Variants in TMPRSS15 observed in about 807,000 individuals in gnomAD.
TMPRSS15 encodes the protein transmembrane serine protease 15, also known as enteropeptidase.
In TMPRSS15, 128 loss-of-function variants were observed where a neutral mutation model predicts 125.3. The observed-to-expected ratio is 1.02, with a 90% CI of 0.89 to 1.18. The LOEUF is 1.18. TMPRSS15 is among the 50% of genes most tolerant of loss of function. The pLI is 0.00. For missense variants in TMPRSS15, 1,283 were observed against 1,212.7 expected (o/e 1.06, Z -0.86); for synonymous variants, 446 against 423.2 (o/e 1.05, Z -0.66).
At chr21:18,394,860 A>G (rs1013807719) in intron 3 of TMPRSS15, among the ~76,000 whole-genome samples, 6 of 152,074 alleles carry the variant, frequency 3.9e-5, no homozygotes, top group African/African-American at 1.2e-4. Context: ...AACTCATTCC[A>G]CTCTGACTTT....
chr21:18,427,030 T>A (rs187686992), intron 1 of TMPRSS15, among the ~76,000 whole-genome samples: 1 of 152,316 alleles, frequency 6.6e-6, no homozygotes, highest in East Asian at 1.9e-4. Context: ...TTAAAAAACA[T>A]GTTATTGATG....
intron 1 of TMPRSS15, among the ~76,000 whole-genome samples, chr21:18,473,677 T>C (rs1978822332): frequency 6.6e-6 from 1 of 152,144 alleles, no homozygotes; most frequent in Non-Finnish European, 1.5e-5. Flanking sequence ...GAAGTATTTT[T>C]TTCTAAAAGA....
chr21:18,378,287 A>G (rs1232629150), intron 5 of TMPRSS15, among the ~76,000 whole-genome samples: 2 of 152,080 alleles, frequency 1.3e-5, no homozygotes, highest in Non-Finnish European at 2.9e-5. Flanking sequence ...TCCATGTTAG[A>G]GACAGGAATG....
Position 18,440,242 on chromosome 21 carries a change from G to A in TMPRSS15, c.11-41913C>T, listed in dbSNP as rs867954373. Among the ~76,000 whole-genome samples, 8 of 150,892 alleles carry A rather than the reference G, an allele frequency of 5.3e-5. No homozygotes were observed. In the East Asian group the frequency reaches 7.8e-4, roughly 15 times the overall value. On this transcript the variant is annotated intron_variant, in intron 1 of 7. Transcript: ENST00000422787. Reference sequence around the variant, plus strand: ...ACAAAAATTAGCCGGGCATGGTGGCGCGCGCCTGTAGTCCCAGCTACACGG... The same window carrying A: ...ACAAAAATTAGCCGGGCATGGTGGCACGCGCCTGTAGTCCCAGCTACACGG...
intron 13 of TMPRSS15, among the ~76,000 whole-genome samples, chr21:18,333,584 A>G (rs1014757621): frequency 6.6e-6 from 1 of 151,902 alleles, no homozygotes; most frequent in Non-Finnish European, 1.5e-5. Flanking sequence ...TCTTAAGGGG[A>G]AGCTTCACTA....
chr21:18,420,277 T>C (rs2076189516), intron 1 of TMPRSS15, among the ~76,000 whole-genome samples: 1 of 152,202 alleles, frequency 6.6e-6, no homozygotes, highest in Non-Finnish European at 1.5e-5. Context: ...GTGATTCGAG[T>C]AAACCTCAAA....
intron 1 of TMPRSS15, among the ~76,000 whole-genome samples, chr21:18,469,265 C>T (rs1025785797): frequency 6.6e-6 from 1 of 152,090 alleles, no homozygotes; most frequent in African/African-American, 2.4e-5. Flanking sequence ...GCTTGAATGC[C>T]TAAATTTAGG....
intron 4 of TMPRSS15, 134 bp from the exon 5 acceptor site, chr21:18,379,452 G>A (rs945750452): frequency 8.0e-6 from 3 of 373,272 alleles, no homozygotes; most frequent in Non-Finnish European, 1.5e-5. Context: ...TGTCCATTTA[G>A]AAGTATGTCA....
intron 7 of TMPRSS15, among the ~76,000 whole-genome samples, chr21:18,361,969 T>G (rs1346311923): frequency 1.3e-5 from 2 of 151,974 alleles, no homozygotes; most frequent in African/African-American, 4.8e-5. Context: ...TTTTGGAATG[T>G]ATATTTTGAG....
intron 17 of TMPRSS15, 120 bp from the exon 18 acceptor site, chr21:18,313,197 C>T: frequency 7.9e-6 from 6 of 764,026 alleles, no homozygotes; most frequent in Non-Finnish European, 1.4e-5. Context: ...CATGAGATCT[C>T]TTGCACAGCA....
chr21:18,380,692 G>C, intron 4 of TMPRSS15: 1 of 401,210 alleles, frequency 2.5e-6, no homozygotes, highest in South Asian at 1.9e-5. Flanking sequence ...ATCCTTTGGA[G>C]TTCCTATTTT....
intron 15 of TMPRSS15, 51 bp downstream of exon 15, chr21:18,329,118 C>T: frequency 6.2e-7 from 1 of 1,605,342 alleles, no homozygotes; most frequent in Non-Finnish European, 8.5e-7. Context: ...TTTCCATCAG[C>T]ACAACATCTT....
Position 18,269,729 on chromosome 21 carries a change from C to A in TMPRSS15, c.*240G>T. ...TAAAAATGAGATCTGTGAAGAAATA[C>A]CTGTTCACAATGAAATACAAATGTA... On this transcript the variant is annotated 3_prime_UTR_variant, in exon 25 of 25. Coordinates refer to ENST00000284885, the MANE Select transcript of TMPRSS15 (RefSeq NM_002772.3). 1 of 438,282 alleles carries A rather than the reference C, an allele frequency of 2.3e-6. No individual in the cohort carries two copies. Among genetic ancestry groups the A allele is most frequent in the African/African-American group, 2.0e-5 (1 of 50,096 alleles). 27.1% of individuals were successfully genotyped at this position (438,282 alleles called of 1,614,324 possible). A position where few individuals can be genotyped will look rare whatever the true frequency, so the allele number is the denominator to read the frequency against.
chr21:18,313,079 T>C lies in TMPRSS15; in HGVS notation c.2033-2A>G. On this transcript the variant is annotated splice_acceptor_variant, in intron 17 of 24. Transcript: ENST00000284885. LOFTEE classifies it high-confidence loss of function. ...TCGTTGTGCCATTGAAAAAACGCACTAAAGACACAGAGAGCATAATGGTAG... is the reference window on the plus strand; with the variant it reads ...TCGTTGTGCCATTGAAAAAACGCACCAAAGACACAGAGAGCATAATGGTAG... 6.2e-7 allele frequency: 1 copy of C among 1,609,606 alleles called. No homozygotes were observed. Among genetic ancestry groups the C allele is most frequent in the Non-Finnish European group, 8.5e-7 (1 of 1,176,066 alleles).
chr21:18,428,766 G>T (rs766166194), intron 1 of TMPRSS15, among the ~76,000 whole-genome samples: 6 of 152,202 alleles, frequency 3.9e-5, no homozygotes, highest in Non-Finnish European at 8.8e-5. Flanking sequence ...TTGCTGCAGG[G>T]TGGGGCGCTC....
intron 14 of TMPRSS15, among the ~76,000 whole-genome samples, chr21:18,329,932 C>A (rs1031632455): frequency 6.6e-5 from 10 of 151,944 alleles, no homozygotes; most frequent in Non-Finnish European, 1.5e-4. Flanking sequence ...AGTAAAATTT[C>A]TGTCTTTATT....
intron 5 of TMPRSS15, 81 bp from the exon 6 acceptor site, chr21:18,372,405 G>A (rs1239242293): frequency 3.9e-6 from 5 of 1,295,878 alleles, no homozygotes; most frequent in African/African-American, 1.5e-5. Context: ...TTTTGCCACT[G>A]GGGTTCTTAC....
intron 1 of TMPRSS15, among the ~76,000 whole-genome samples, chr21:18,411,797 T>C (rs1489061218): frequency 2.0e-5 from 3 of 152,186 alleles, no homozygotes; most frequent in African/African-American, 7.2e-5. Context: ...GTCTGTAAAG[T>C]GGATTATGAA....
At chr21:18,295,595 T>C (rs180720043) in intron 19 of TMPRSS15, among the ~76,000 whole-genome samples, 21 of 152,338 alleles carry the variant, frequency 1.4e-4, no homozygotes, top group Admixed American at 1.4e-3. Context: ...AATTCAGTGT[T>C]TCAGGAAAAT....
Sources: gnomAD v4.1 joint callset for allele counts (sites outside exome capture counted in the v4.1 genomes callset) on GRCh38, gnomAD v4.1.1 for gene constraint, MANE v1.5 for transcripts, NCBI Gene and HGNC (gene_info 2026-07-23, HGNC 2026-07-21) for gene names.